The following CCDC170 variants were observed in gnomAD, a reference collection of about 807,000 sequenced individuals.
The protein encoded by CCDC170 is coiled-coil domain-containing protein 170.
Under a neutral mutation model 72.6 loss-of-function variants are expected in CCDC170, and 69 were observed. The ratio of observed to expected loss-of-function variants is 0.95; its 90% CI spans 0.78 to 1.16. The LOEUF (loss-of-function observed/expected upper bound fraction) is 1.16, where lower values mean the gene tolerates loss of function less well. Among genes scored for constraint, CCDC170 ranks in the 50% most tolerant of loss-of-function variants. The probability of loss-of-function intolerance (pLI) is 0.00; values close to 1 mark genes in which losing one functional copy is unlikely to be tolerated. For missense variants in CCDC170, 852 were observed against 832.5 expected (o/e 1.02, Z -0.29); for synonymous variants, 300 against 303.9 (o/e 0.99, Z 0.13).
chr6:151,503,692 A>T (rs959916669), intron 1 of CCDC170, among the ~76,000 whole-genome samples: 10 of 152,048 alleles, frequency 6.6e-5, no homozygotes, highest in African/African-American at 2.4e-4. Flanking sequence ...AGCTCAGGTG[A>T]TCCACCTGCC....
chr6:151,571,544 A>G (rs1242917594), intron 5 of CCDC170, among the ~76,000 whole-genome samples: 1 of 152,188 alleles, frequency 6.6e-6, no homozygotes, highest in Non-Finnish European at 1.5e-5. Context: ...CCTGACCAAC[A>G]TGGAGAAACC....
At position 151,536,335 on chromosome 6, in the gene CCDC170, T is replaced by C; in HGVS notation, c.75T>C (p.Leu25=). The change falls in exon 2 of 11, where the codon CTT becomes CTC. Residue 25 remains leucine (L), a synonymous_variant. Coordinates refer to ENST00000239374, the MANE Select transcript of CCDC170 (RefSeq NM_025059.4). ...SPAPEETYDH[L]SEVPVTREQL... Reference sequence around the variant, plus strand: ...TCTACCAGGAAACTTACGATCATCTTTCGGAAGTCCCGGTCACGCGGGAGC... The same window carrying C: ...TCTACCAGGAAACTTACGATCATCTCTCGGAAGTCCCGGTCACGCGGGAGC... The C allele has an allele frequency of 6.2e-7, 1 of 1,613,932 alleles. No individual in the cohort carries two copies.
intron 3 of CCDC170, among the ~76,000 whole-genome samples, chr6:151,543,788 T>C (rs1782730198): frequency 6.6e-6 from 1 of 152,200 alleles, no homozygotes; most frequent in African/African-American, 2.4e-5. Flanking sequence ...ATATTGCCAC[T>C]CCTGACAGGA....
intron 9 of CCDC170, among the ~76,000 whole-genome samples, chr6:151,605,118 T>C (rs776839107): frequency 6.6e-6 from 1 of 152,204 alleles, no homozygotes; most frequent in South Asian, 2.1e-4. Context: ...CTTTTTTAGC[T>C]TTTACATATG....
At chr6:151,535,083 C>G (rs1349892224) in intron 1 of CCDC170, among the ~76,000 whole-genome samples, 1 of 152,196 alleles carries the variant, frequency 6.6e-6, no homozygotes, top group Non-Finnish European at 1.5e-5. Flanking sequence ...AGGGTTCAGT[C>G]TGCAGCCCAC....
intron 9 of CCDC170, among the ~76,000 whole-genome samples, chr6:151,604,883 T>C (rs1051671997): frequency 6.6e-6 from 1 of 152,216 alleles, no homozygotes; most frequent in African/African-American, 2.4e-5. Context: ...TATTTTATCA[T>C]TTATTTTAGT....
At chr6:151,510,883 C>A (rs1782136996) in intron 1 of CCDC170, among the ~76,000 whole-genome samples, 1 of 152,100 alleles carries the variant, frequency 6.6e-6, no homozygotes, top group South Asian at 2.1e-4. Context: ...TTACAGGTGC[C>A]TGCCACCATG....
intron 9 of CCDC170, among the ~76,000 whole-genome samples, chr6:151,614,201 A>G (rs1776920330): frequency 6.6e-6 from 1 of 152,162 alleles, no homozygotes; most frequent in South Asian, 2.1e-4. Context: ...TGCAACCATT[A>G]TCACTATCCA....
intron 7 of CCDC170, among the ~76,000 whole-genome samples, chr6:151,586,582 A>C (rs1383978950): frequency 1.3e-5 from 2 of 151,956 alleles, no homozygotes; most frequent in Admixed American, 6.6e-5. Flanking sequence ...AAAGGCATGA[A>C]ATCTGGCAAG....
rs1241764733 is a variant in CCDC170, at chr6:151,552,281, G to A, written c.774+3792G>A. On this transcript the variant is annotated intron_variant, in intron 5 of 10. Coordinates refer to ENST00000239374, the MANE Select transcript of CCDC170 (RefSeq NM_025059.4). ...AGTGTTCCACTGCTGGTGACGATAA[G>A]TTTGACTACGAATCTCTTTGGCGTA... is the stretch of plus-strand genomic sequence containing the variant. Among the ~76,000 whole-genome samples the A allele has an allele frequency of 3.4e-5, 5 of 148,834 alleles. No individual in the cohort carries two copies. The East Asian group carries it at 1.0e-3, about 30-fold the overall frequency.
At chr6:151,558,211 C>T (rs1423492548) in intron 5 of CCDC170, among the ~76,000 whole-genome samples, 1 of 147,754 alleles carries the variant, frequency 6.8e-6, no homozygotes, top group Non-Finnish European at 1.5e-5. Context: ...ATGTCCTCAC[C>T]CACTTTTTAT....
In CCDC170 at chr6:151,616,307, T is replaced by G. The variant is rs117220731; in HGVS notation, c.1947+628T>G. Reference sequence around the variant, plus strand: ...AGCCATAAAAAAGTACTCATTTGCTTGCTGGCTACAAGAAGGAGCATTTTA... The same window carrying G: ...AGCCATAAAAAAGTACTCATTTGCTGGCTGGCTACAAGAAGGAGCATTTTA... On this transcript the variant is annotated intron_variant, in intron 10 of 10. Coordinates refer to ENST00000239374, the MANE Select transcript of CCDC170 (RefSeq NM_025059.4). 2.1e-3 allele frequency among the ~76,000 whole-genome samples: 313 copies of G among 152,216 alleles called. 8 individuals carry two copies. In the East Asian group the frequency reaches 0.055, roughly 27 times the overall value.
At chr6:151,495,765 GGATTACAGA>G (rs1435269838) in intron 1 of CCDC170, among the ~76,000 whole-genome samples, 18 of 152,094 alleles carry the variant, frequency 1.2e-4, no homozygotes, top group African/African-American at 3.6e-4. Context: ...CAAAGTGCTG[GGATTACAGA>G]GATGCACTAC....
intron 5 of CCDC170, among the ~76,000 whole-genome samples, chr6:151,553,996 G>GCC (rs66842381): frequency 0.16 from 24,018 of 151,988 alleles, 2,373 homozygotes; most frequent in East Asian, 0.5. Context: ...ACATAACTCA[G>GCC]CTTTTCTGAT....
intron 5 of CCDC170, among the ~76,000 whole-genome samples, chr6:151,571,118 G>A (rs889998159): frequency 6.6e-6 from 1 of 152,130 alleles, no homozygotes; most frequent in Non-Finnish European, 1.5e-5. Flanking sequence ...ATAGGAACTA[G>A]TGTTTCAGGC....
chr6:151,601,113 T>A (rs1290404762), intron 9 of CCDC170, among the ~76,000 whole-genome samples: 1 of 152,182 alleles, frequency 6.6e-6, no homozygotes, highest in East Asian at 1.9e-4. Context: ...TCCACATGGC[T>A]GGGAAGGCCT....
At chr6:151,557,366 G>A (rs1027548781) in intron 5 of CCDC170, among the ~76,000 whole-genome samples, 28 of 150,392 alleles carry the variant, frequency 1.9e-4, no homozygotes, top group Non-Finnish European at 2.4e-4. Context: ...CCGAGATCAC[G>A]CCACTGCACT....
chr6:151,572,817 G>T (rs7740704), intron 5 of CCDC170, among the ~76,000 whole-genome samples: 138,832 of 151,522 alleles, frequency 0.92, 63,855 homozygotes, highest in East Asian at 0.99. Flanking sequence ...GCCCCGCTAA[G>T]TTTTGTATTT....
chr6:151,532,662 G>A (rs1204025240), intron 1 of CCDC170, among the ~76,000 whole-genome samples: 14 of 151,570 alleles, frequency 9.2e-5, no homozygotes, highest in African/African-American at 3.1e-4. Flanking sequence ...TGAGAAAAAT[G>A]ATTTTAGTTG....
Sources: gnomAD v4.1 joint callset for allele counts (sites outside exome capture counted in the v4.1 genomes callset) on GRCh38, gnomAD v4.1.1 for gene constraint, MANE v1.5 for transcripts, NCBI Gene and HGNC (gene_info 2026-07-23, HGNC 2026-07-21) for gene names.